The following EDN1 variants were observed in gnomAD, a reference collection of about 807,000 sequenced individuals.
EDN1 encodes the protein endothelin-1.
Under a neutral mutation model 21.7 loss-of-function variants are expected in EDN1, and 11 were observed. The ratio of observed to expected loss-of-function variants is 0.51; its 90% CI spans 0.32 to 0.84. The LOEUF is 0.84. EDN1 is among the 40% of genes least tolerant of loss of function. The pLI, the probability that EDN1 is intolerant of heterozygous loss-of-function variation, is 0.03. For synonymous variants in EDN1, 85 were observed against 90.6 expected, an observed-to-expected ratio of 0.94 and a Z score of 0.35; for missense variants, 244 against 262.3, an observed-to-expected ratio of 0.93 and a Z score of 0.48.
the EDN1 span, among the ~76,000 whole-genome samples, chr6:12,259,747 T>C: frequency 2.3e-4 from 35 of 152,024 alleles, no homozygotes; most frequent in African/African-American, 8.0e-4. Context: ...TACAAACTTA[T>C]GGAGAAGGGA....
the EDN1 span, among the ~76,000 whole-genome samples, chr6:12,276,747 C>A: frequency 6.6e-6 from 1 of 152,190 alleles, no homozygotes; most frequent in Non-Finnish European, 1.5e-5. Context: ...GCCAAGCTCC[C>A]AGAGGCAGAG....
At chr6:12,244,089 G>C in the EDN1 span, among the ~76,000 whole-genome samples, 3 of 151,908 alleles carry the variant, frequency 2.0e-5, no homozygotes, top group African/African-American at 7.3e-5. Flanking sequence ...TTTCATTTGT[G>C]TGGGTTACAT....
chr6:12,278,338 C>T, the EDN1 span, among the ~76,000 whole-genome samples: 1 of 152,158 alleles, frequency 6.6e-6, no homozygotes, highest in Non-Finnish European at 1.5e-5. Flanking sequence ...TCTCTGCCTT[C>T]CTCAAGCCAC....
the EDN1 span, among the ~76,000 whole-genome samples, chr6:12,236,312 C>A: frequency 6.6e-6 from 1 of 151,446 alleles, no homozygotes; most frequent in South Asian, 2.1e-4. Flanking sequence ...GAAGGCATCT[C>A]GTTCTGTCAC....
chr6:12,240,599 CT>C, the EDN1 span, among the ~76,000 whole-genome samples: 1 of 152,062 alleles, frequency 6.6e-6, no homozygotes, highest in Non-Finnish European at 1.5e-5. Context: ...GGAATAGTAC[CT>C]GAAAATCCTG....
the EDN1 span, among the ~76,000 whole-genome samples, chr6:12,265,766 C>T: frequency 2.5e-3 from 379 of 152,288 alleles, 3 homozygotes; most frequent in African/African-American, 8.5e-3. Context: ...TGTTTAGTCC[C>T]ATGGTAGTAA....
the EDN1 span, among the ~76,000 whole-genome samples, chr6:12,261,916 C>T: frequency 6.6e-6 from 1 of 152,086 alleles, no homozygotes; most frequent in East Asian, 1.9e-4. Context: ...AGAGAGGGGT[C>T]GCCAGAATTA....
In EDN1 at chr6:12,296,329, A is replaced by C. The variant is rs1261820710; in HGVS notation, c.*262A>C. 2.3e-6 allele frequency: 1 copy of C among 435,282 alleles called. No individual in the cohort carries two copies. Among genetic ancestry groups the C allele is most frequent in the Non-Finnish European group, 4.3e-6 (1 of 231,900 alleles). The allele number at this position is 435,282 out of a possible 1,614,324, so 27.0% of individuals were successfully genotyped here. A position where few individuals can be genotyped will look rare whatever the true frequency, so the allele number is the denominator to read the frequency against. On this transcript the variant is annotated 3_prime_UTR_variant, in exon 5 of 5. Transcript: ENST00000379375. ...AATGGACCTCTCAGCAGAAACACAC[A>C]GTCACATTCGAATTCGGGTGGCATC...
At chr6:12,252,559 T>A in the EDN1 span, among the ~76,000 whole-genome samples, 8 of 152,176 alleles carry the variant, frequency 5.3e-5, no homozygotes, top group Admixed American at 5.2e-4. Context: ...CCAATAGTGG[T>A]GAAGCATCCT....
chr6:12,286,382 G>A (rs1321811608), upstream of EDN1, among the ~76,000 whole-genome samples: 2 of 152,210 alleles, frequency 1.3e-5, no homozygotes, highest in African/African-American at 2.4e-5. Context: ...TCCTGGAGAT[G>A]TGTGATGTGT....
the EDN1 span, among the ~76,000 whole-genome samples, chr6:12,251,619 G>C: frequency 2.6e-5 from 4 of 152,146 alleles, no homozygotes; most frequent in Non-Finnish European, 4.4e-5. Context: ...ACAGCTTCCT[G>C]AAACACTAAA....
the EDN1 span, among the ~76,000 whole-genome samples, chr6:12,249,258 C>T: frequency 2.0e-5 from 3 of 152,080 alleles, no homozygotes; most frequent in African/African-American, 7.2e-5. Flanking sequence ...TTTAGTTTTT[C>T]TCCATGAATA....
the EDN1 span, among the ~76,000 whole-genome samples, chr6:12,278,923 G>A: frequency 7.2e-5 from 11 of 152,110 alleles, no homozygotes; most frequent in South Asian, 2.3e-3. Flanking sequence ...AACAAAAAAA[G>A]CCTATCTCAA....
chr6:12,283,493 T>A, the EDN1 span, among the ~76,000 whole-genome samples: 1 of 152,154 alleles, frequency 6.6e-6, no homozygotes, highest in African/African-American at 2.4e-5. Context: ...CATACAATAT[T>A]TCCTAATACA....
chr6:12,289,401 A>G (rs1447006712), upstream of EDN1, among the ~76,000 whole-genome samples: 2 of 152,036 alleles, frequency 1.3e-5, no homozygotes, highest in Admixed American at 1.3e-4. Flanking sequence ...TTCCTATGTT[A>G]GGCAACATTC....
the EDN1 span, among the ~76,000 whole-genome samples, chr6:12,238,391 C>T: frequency 6.6e-6 from 1 of 152,076 alleles, no homozygotes; most frequent in African/African-American, 2.4e-5. Context: ...GTGAAGGTCT[C>T]CCCTGCCCAC....
At position 12,296,678 on chromosome 6, in the gene EDN1, A is replaced by G. The variant is rs1486708487; in HGVS notation, c.*611A>G. ...TTGCACTCTGGCAGAAGTATTTCCC[A>G]CATTTAATTATTGCCTCCCCAAACT... On this transcript the variant is annotated 3_prime_UTR_variant, in exon 5 of 5. Transcript: ENST00000379375. 1 of 153,594 alleles carries G rather than the reference A, an allele frequency of 6.5e-6. No individual in the cohort carries two copies. Among genetic ancestry groups the G allele is most frequent in the Admixed American group, 6.4e-5 (1 of 15,584 alleles). The allele number at this position is 153,594 out of a possible 1,614,324, so 9.5% of individuals were successfully genotyped here.
At chr6:12,244,259 A>G in the EDN1 span, among the ~76,000 whole-genome samples, 1 of 152,240 alleles carries the variant, frequency 6.6e-6, no homozygotes, top group African/African-American at 2.4e-5. Context: ...TTGCCCATGC[A>G]TGATTTTGCC....
the EDN1 span, among the ~76,000 whole-genome samples, chr6:12,273,245 G>A: frequency 6.6e-6 from 1 of 152,320 alleles, no homozygotes; most frequent in East Asian, 1.9e-4. Context: ...GAGATGTGTG[G>A]AAATGCATTT....
Sources: allele counts gnomAD v4.1 joint callset (sites outside exome capture counted in the v4.1 genomes callset), GRCh38; gene constraint gnomAD v4.1.1; transcripts MANE v1.5; gene names NCBI Gene and HGNC (gene_info 2026-07-23, HGNC 2026-07-21).